The following SGCZ variants were observed in gnomAD, a reference collection of about 807,000 sequenced individuals.
SGCZ encodes sarcoglycan zeta, also known as zeta-sarcoglycan.
Under a neutral mutation model 41.3 loss-of-function variants are expected in SGCZ, and 40 were observed. That is an observed-to-expected ratio of 0.97 (90% CI 0.75 to 1.26). The LOEUF (loss-of-function observed/expected upper bound fraction) is 1.26. Ranked by LOEUF, SGCZ falls within the 50% of genes most tolerant of loss-of-function variation. The probability of loss-of-function intolerance (pLI) is 0.00; values close to 1 mark genes in which losing one functional copy is unlikely to be tolerated. For synonymous variants in SGCZ, 206 were observed against 137.5 expected, an observed-to-expected ratio of 1.50 and a Z score of -3.49; for missense variants, 552 against 369.8, an observed-to-expected ratio of 1.49 and a Z score of -4.04.
At chr8:14,726,311 C>CATACATAT (rs1428195927) in intron 1 of SGCZ, among the ~76,000 whole-genome samples, 49 of 107,672 alleles carry the variant, frequency 4.6e-4, no homozygotes, top group African/African-American at 6.5e-4. Flanking sequence ...TGTGTAAATA[C>CATACATAT]ATATATATAT....
At chr8:14,642,377 C>G (rs1049990302) in intron 1 of SGCZ, among the ~76,000 whole-genome samples, 8 of 151,418 alleles carry the variant, frequency 5.3e-5, no homozygotes, top group Admixed American at 5.3e-4. Context: ...ATGGTCACAC[C>G]CATTTTTAAT....
intron 1 of SGCZ, among the ~76,000 whole-genome samples, chr8:15,139,605 C>A (rs1242127355): frequency 1.3e-5 from 2 of 152,114 alleles, no homozygotes; most frequent in African/African-American, 4.8e-5. Flanking sequence ...TCTACCATTT[C>A]ACACTTCTTT....
At chr8:14,944,875 T>C (rs1200887052) in intron 1 of SGCZ, among the ~76,000 whole-genome samples, 1 of 152,152 alleles carries the variant, frequency 6.6e-6, no homozygotes, top group Non-Finnish European at 1.5e-5. Context: ...CCATTGTAAG[T>C]TGACAATTAT....
intron 1 of SGCZ, among the ~76,000 whole-genome samples, chr8:15,009,055 T>C (rs933274893): frequency 2.0e-5 from 3 of 152,150 alleles, no homozygotes; most frequent in Middle Eastern, 3.2e-3. Flanking sequence ...ATGAAATTAG[T>C]AAAAATCGTC....
intron 1 of SGCZ, among the ~76,000 whole-genome samples, chr8:15,174,397 A>G (rs1799938412): frequency 6.6e-6 from 1 of 152,220 alleles, no homozygotes; most frequent in Non-Finnish European, 1.5e-5. Context: ...ATAACCCCAG[A>G]GGCAAAACAA....
At chr8:14,858,705 T>C (rs1195626854) in intron 1 of SGCZ, among the ~76,000 whole-genome samples, 1 of 152,164 alleles carries the variant, frequency 6.6e-6, no homozygotes, top group South Asian at 2.1e-4. Context: ...CCAAGCCTGA[T>C]TTTGTAACAT....
intron 2 of SGCZ, among the ~76,000 whole-genome samples, chr8:14,378,986 T>A (rs1434375780): frequency 6.6e-6 from 1 of 152,200 alleles, no homozygotes; most frequent in Non-Finnish European, 1.5e-5. Flanking sequence ...CTTTCTTACG[T>A]AATATAATAC....
chr8:15,145,610 G>C (rs555950694), intron 1 of SGCZ, among the ~76,000 whole-genome samples: 11 of 152,074 alleles, frequency 7.2e-5, no homozygotes, highest in Non-Finnish European at 1.6e-4. Flanking sequence ...TGGACTACAG[G>C]TACACACCAT....
intron 1 of SGCZ, among the ~76,000 whole-genome samples, chr8:14,640,298 A>G (rs1015281182): frequency 6.6e-6 from 1 of 151,680 alleles, no homozygotes; most frequent in East Asian, 1.9e-4. Flanking sequence ...TTGTTCTTAC[A>G]AAGTTTGGGT....
chr8:14,732,389 G>A (rs188887959), intron 1 of SGCZ, among the ~76,000 whole-genome samples: 2 of 152,200 alleles, frequency 1.3e-5, no homozygotes, highest in East Asian at 3.9e-4. Context: ...TCTTCTCTCG[G>A]CACAGAAGCT....
intron 4 of SGCZ, among the ~76,000 whole-genome samples, chr8:14,219,758 AAG>A (rs1806127351): frequency 6.6e-6 from 1 of 152,064 alleles, no homozygotes; most frequent in African/African-American, 2.4e-5. Flanking sequence ...AAAAAAAAAA[AAG>A]TTTAATGAAT....
intron 1 of SGCZ, among the ~76,000 whole-genome samples, chr8:14,621,975 A>G (rs1806302010): frequency 2.0e-5 from 3 of 152,100 alleles, no homozygotes; most frequent in Admixed American, 6.6e-5. Context: ...CGCCAAGTCT[A>G]TATATCTATG....
intron 5 of SGCZ, among the ~76,000 whole-genome samples, chr8:14,112,377 A>C (rs920120081): frequency 1.4e-5 from 2 of 147,476 alleles, no homozygotes; most frequent in African/African-American, 4.9e-5. Context: ...CCATGGGGCA[A>C]AGGTTAACAG....
At chr8:14,319,440 T>G (rs933276785) in intron 3 of SGCZ, 16 of 152,004 alleles carry the variant, frequency 1.1e-4, no homozygotes, top group Non-Finnish European at 2.4e-4. Flanking sequence ...TTTCAAGGAT[T>G]AAAAAACCAA....
At chr8:14,125,138 G>A (rs545466273) in intron 5 of SGCZ, among the ~76,000 whole-genome samples, 4 of 152,220 alleles carry the variant, frequency 2.6e-5, no homozygotes, top group South Asian at 2.1e-4. Flanking sequence ...TAAATGAAAT[G>A]AGAGGACACA....
chr8:14,193,468 C>T (rs1805169642), intron 4 of SGCZ, among the ~76,000 whole-genome samples: 1 of 151,988 alleles, frequency 6.6e-6, no homozygotes, highest in South Asian at 2.1e-4. Context: ...TTTCAATATA[C>T]ACGGACATAT....
intron 1 of SGCZ, among the ~76,000 whole-genome samples, chr8:14,782,091 A>AAATC (rs1330805296): frequency 6.6e-6 from 1 of 152,200 alleles, no homozygotes; most frequent in Non-Finnish European, 1.5e-5. Flanking sequence ...TGTATTTAGC[A>AAATC]AATCACTTCA....
At chr8:14,314,692 G>C (rs553079981) in intron 3 of SGCZ, among the ~76,000 whole-genome samples, 1 of 152,098 alleles carries the variant, frequency 6.6e-6, no homozygotes, top group Non-Finnish European at 1.5e-5. Flanking sequence ...GTTGGTTCAA[G>C]GGCATATCTG....
chr8:14,241,584 T>C (rs1308900623), intron 3 of SGCZ, among the ~76,000 whole-genome samples: 4 of 151,478 alleles, frequency 2.6e-5, no homozygotes, highest in Non-Finnish European at 5.9e-5. Flanking sequence ...TCTGATGTAG[T>C]TATTTTTCCT....
Sources: gnomAD v4.1 joint callset for allele counts (sites outside exome capture counted in the v4.1 genomes callset) on GRCh38, gnomAD v4.1.1 for gene constraint, MANE v1.5 for transcripts, NCBI Gene and HGNC (gene_info 2026-07-23, HGNC 2026-07-21) for gene names.